The following HDX variants were observed in gnomAD, a reference collection of about 807,000 sequenced individuals.
The protein encoded by HDX is highly divergent homeobox.
In HDX, 19 loss-of-function variants were observed where a neutral mutation model predicts 45.2. The observed-to-expected ratio is 0.42, with a 90% confidence interval of 0.29 to 0.62. The LOEUF (loss-of-function observed/expected upper bound fraction) is 0.62. Among genes scored for constraint, HDX ranks in the 20% least tolerant of loss-of-function variants. HDX has a pLI of 0.20. For synonymous variants in HDX, 188 were observed against 172.8 expected (o/e 1.09, Z -0.69); for missense variants, 532 against 493.9 (o/e 1.08, Z -0.73).
intron 4 of HDX, among the ~76,000 whole-genome samples, chrX:84,450,543 T>C (rs774331590): frequency 2.7e-5 from 3 of 111,584 alleles, no homozygotes; most frequent in African/African-American, 9.8e-5. Flanking sequence ...AGATATACAA[T>C]GCAAATATTA....
At chrX:84,388,252 G>A (rs1434430282) in intron 5 of HDX, among the ~76,000 whole-genome samples, 5 of 108,835 alleles carry the variant, frequency 4.6e-5, no homozygotes. Context: ...ATTTTGCATT[G>A]ACCTTGGTGA....
At position 84,475,354 on chromosome X, in the gene HDX, A is replaced by G; in HGVS notation, c.44T>C (p.Leu15Ser). ...SVFTVEQQRI[L>S]QRYYENGMTN... ...CATTCCATTTTCATAATAACGCTGT[A>G]AAATCCTTTGTTGTTCTACAGTAAA... Residue 15 changes from leucine to serine, a missense_variant, in exon 3 of 11, where the codon TTA becomes TCA. By Grantham distance (145) the Leu-to-Ser change is moderately radical (BLOSUM62 -2). Around this residue, in one of 3 missense-constraint regions of HDX, gnomAD observed 376 missense variants for 343.7 expected, o/e 1.09. Coordinates refer to ENST00000373177, the MANE Select transcript of HDX (RefSeq NM_001177479.2). 8.6e-7 allele frequency: 1 copy of G among 1,162,896 alleles called. No individual in the cohort carries two copies. Among genetic ancestry groups the G allele is most frequent in the Non-Finnish European group, 1.2e-6 (1 of 856,480 alleles).
chrX:84,469,346 G>T lies in HDX; in HGVS notation c.377C>A (p.Thr126Lys). The T allele has an allele frequency of 8.3e-7, 1 of 1,210,951 alleles. No homozygotes were observed. Among genetic ancestry groups the T allele is most frequent in the Non-Finnish European group, 1.1e-6 (1 of 895,059 alleles). The change falls in exon 4 of 11, where the codon ACA becomes AAA. Residue 126 changes from threonine to lysine, a missense_variant. Physicochemically the swap from Thr to Lys is moderately conservative, Grantham distance 78. Around this residue, in one of 3 missense-constraint regions of HDX, gnomAD observed 376 missense variants for 343.7 expected, o/e 1.09. Transcript: ENST00000373177. ...ATGTGCTTCTGTAATTTGTGTGTCT[G>T]TATGTTTGTTTGTTCCTTGCCTACT... ...SSSRQGTNKH[T>K]DTQITEAHKI...
At chrX:84,394,940 T>A (rs1332979628) in intron 5 of HDX, among the ~76,000 whole-genome samples, 1 of 111,519 alleles carries the variant, frequency 9.0e-6, no homozygotes, top group Non-Finnish European at 1.9e-5. Context: ...GGTCACTTTT[T>A]TTATTCAGCA....
At chrX:84,411,653 G>A (rs2038988528) in intron 5 of HDX, among the ~76,000 whole-genome samples, 1 of 110,960 alleles carries the variant, frequency 9.0e-6, no homozygotes, top group African/African-American at 3.3e-5. Flanking sequence ...GTTTTTGGGT[G>A]GAAAGCTCTC....
intron 3 of HDX, among the ~76,000 whole-genome samples, chrX:84,470,019 A>G (rs2040426447): frequency 8.9e-6 from 1 of 112,181 alleles, no homozygotes; most frequent in South Asian, 3.6e-4. Flanking sequence ...GCATTAAGAA[A>G]TGCTCATAGT....
chrX:84,456,741 C>A (rs1309264471), intron 4 of HDX, among the ~76,000 whole-genome samples: 1 of 110,111 alleles, frequency 9.1e-6, no homozygotes, highest in Non-Finnish European at 1.9e-5. Flanking sequence ...TTATATCAGA[C>A]AAAATAGATT....
chrX:84,461,246 G>A (rs2040230863), intron 4 of HDX, among the ~76,000 whole-genome samples: 1 of 111,462 alleles, frequency 9.0e-6, no homozygotes, highest in Admixed American at 9.5e-5. Context: ...AAAGCTGGAG[G>A]AATCACATTA....
At chrX:84,406,430 A>G (rs1190616932) in intron 5 of HDX, among the ~76,000 whole-genome samples, 5 of 107,758 alleles carry the variant, frequency 4.6e-5, no homozygotes, top group Admixed American at 1.0e-4. Flanking sequence ...CCTCCCTCAG[A>G]AGAGGTGAAA....
chrX:84,336,792 T>G lies in HDX; in HGVS notation c.1740+9A>C. ...ATGTAATGAGAAAAGAATTTCAAAC[T>G]GTACATACCACATTATCTGTGGTTA... On this transcript the variant is annotated intron_variant, in intron 8 of 10. Coordinates refer to ENST00000373177, the MANE Select transcript of HDX (RefSeq NM_001177479.2). The G allele has an allele frequency of 4.5e-6, 5 of 1,102,153 alleles. No individual in the cohort carries two copies. Among genetic ancestry groups the G allele is most frequent in the Non-Finnish European group, 6.2e-6 (5 of 806,470 alleles). 90.8% of individuals were successfully genotyped at this position (1,102,153 alleles called of 1,213,427 possible).
chrX:84,383,181 T>C (rs2147910107), intron 5 of HDX, among the ~76,000 whole-genome samples: 1 of 110,966 alleles, frequency 9.0e-6, no homozygotes, highest in South Asian at 3.8e-4. Context: ...TGAAAAACTT[T>C]TGGGAAGGCA....
intron 6 of HDX, among the ~76,000 whole-genome samples, chrX:84,360,498 C>A (rs2037595341): frequency 9.0e-6 from 1 of 111,188 alleles, no homozygotes; most frequent in Non-Finnish European, 1.9e-5. Flanking sequence ...TGCTGTGCAC[C>A]AGTCACCACT....
intron 5 of HDX, among the ~76,000 whole-genome samples, chrX:84,411,432 T>C (rs1290398695): frequency 2.7e-5 from 3 of 111,930 alleles, no homozygotes; most frequent in African/African-American, 6.5e-5. Context: ...AAATTTATTA[T>C]GGAGCAGGTT....
chrX:84,468,206 G>A (rs1429584883), intron 4 of HDX, among the ~76,000 whole-genome samples: 2 of 111,562 alleles, frequency 1.8e-5, no homozygotes, highest in African/African-American at 6.5e-5. Flanking sequence ...TACCCATTAA[G>A]CTCTCATTTC....
chrX:84,446,520 T>C (rs1462093326), intron 4 of HDX, among the ~76,000 whole-genome samples: 2 of 111,609 alleles, frequency 1.8e-5, no homozygotes, highest in African/African-American at 6.5e-5. Flanking sequence ...AACCAAAAGA[T>C]AGGTTTTTAA....
At position 84,364,647 on chromosome X, in the gene HDX, C is replaced by T. The variant is rs7883666; in HGVS notation, c.1306-3035G>A. Among the ~76,000 whole-genome samples, 261 of 107,761 alleles carry T rather than the reference C, an allele frequency of 2.4e-3. 2 individuals are homozygous for T. Among genetic ancestry groups the T allele is most frequent in the African/African-American group, 8.5e-3 (253 of 29,617 alleles). The allele number at this position is 107,761 out of a possible 115,157, so 93.6% of individuals were successfully genotyped here. On this transcript the variant is annotated intron_variant, in intron 5 of 10. Transcript: ENST00000373177. ...CCTCCCGAGTAGCCAGGACTACAGG[C>T]GCCCGCCTCCACGCCCAGCTAATTT...
chrX:84,405,737 T>C (rs1025268168), intron 5 of HDX, among the ~76,000 whole-genome samples: 7 of 107,964 alleles, frequency 6.5e-5, no homozygotes, highest in African/African-American at 2.0e-4. Flanking sequence ...GTTTTTCTCT[T>C]CTTGGAGCAA....
intron 5 of HDX, among the ~76,000 whole-genome samples, chrX:84,362,788 A>G (rs193077967): frequency 1.5e-3 from 172 of 111,774 alleles, no homozygotes; most frequent in South Asian, 9.6e-3. Flanking sequence ...CCTAAGTTAG[A>G]TTCAGGAAAC....
intron 1 of HDX, among the ~76,000 whole-genome samples, chrX:84,489,484 T>C (rs1286944130): frequency 4.5e-5 from 5 of 111,995 alleles, no homozygotes; most frequent in African/African-American, 1.3e-4. Flanking sequence ...TTGGGGACTC[T>C]TGGATAGAAC....
Sources: gnomAD v4.1 joint callset for allele counts (sites outside exome capture counted in the v4.1 genomes callset) on GRCh38, gnomAD v4.1.1 for gene constraint, gnomAD v4.1.1 regional missense constraint, MANE v1.5 for transcripts, NCBI Gene and HGNC (gene_info 2026-07-23, HGNC 2026-07-21) for gene names.